WWC2: variants seen among roughly 807,000 people sequenced by gnomAD.
WWC2 encodes the protein WW and C2 domain containing 2.
Under a neutral mutation model 138.5 loss-of-function variants are expected in WWC2, and 101 were observed. The ratio of observed to expected loss-of-function variants is 0.73; its 90% CI spans 0.62 to 0.86. WWC2 has a LOEUF of 0.86. Among genes scored for constraint, WWC2 ranks in the 40% least tolerant of loss-of-function variants. The probability of loss-of-function intolerance (pLI) is 0.00; values close to 1 mark genes in which losing one functional copy is unlikely to be tolerated. For missense variants in WWC2, 1,420 were observed against 1,419.4 expected (o/e 1.00, Z -0.01); for synonymous variants, 558 against 538.4 (o/e 1.04, Z -0.50).
chr4:183,213,715 G>A (rs1249150747), intron 4 of WWC2, among the ~76,000 whole-genome samples: 6 of 152,138 alleles, frequency 3.9e-5, no homozygotes, highest in Non-Finnish European at 7.4e-5. Flanking sequence ...TAAAATGAAT[G>A]CATTAGTGCT....
intron 1 of WWC2, among the ~76,000 whole-genome samples, chr4:183,162,236 A>G (rs1284986169): frequency 6.6e-6 from 1 of 152,190 alleles, no homozygotes; most frequent in Non-Finnish European, 1.5e-5. Flanking sequence ...AGTGTTTCTA[A>G]TGTTTCAAAT....
intron 1 of WWC2, among the ~76,000 whole-genome samples, chr4:183,160,746 C>T (rs1483077699): frequency 1.3e-5 from 2 of 152,050 alleles, no homozygotes; most frequent in East Asian, 1.9e-4. Context: ...CAGAAGTTGG[C>T]GTGAGTTGAT....
intron 2 of WWC2, among the ~76,000 whole-genome samples, chr4:183,207,453 C>T (rs1350198891): frequency 2.0e-5 from 3 of 152,104 alleles, no homozygotes; most frequent in Non-Finnish European, 2.9e-5. Context: ...TGACTAAAAT[C>T]GCTATAATGA....
At chr4:183,280,254 T>TTG (rs1738024716) in intron 16 of WWC2, among the ~76,000 whole-genome samples, 1 of 138,828 alleles carries the variant, frequency 7.2e-6, no homozygotes, top group South Asian at 2.3e-4. Context: ...TTTTTTTTTT[T>TTG]GCTTTGTTTC....
intron 1 of WWC2, among the ~76,000 whole-genome samples, chr4:183,184,181 T>C (rs1734727546): frequency 6.6e-6 from 1 of 152,208 alleles, no homozygotes; most frequent in Admixed American, 6.5e-5. Context: ...CTACTTTCCT[T>C]TTTTATGCGT....
chr4:183,211,018 C>T (rs1560845127), intron 4 of WWC2, among the ~76,000 whole-genome samples: 1 of 152,226 alleles, frequency 6.6e-6, no homozygotes, highest in Admixed American at 6.5e-5. Context: ...CTTTTGCCTA[C>T]ATCTCACAAG....
intron 1 of WWC2, among the ~76,000 whole-genome samples, chr4:183,145,070 G>A (rs1036651541): frequency 2.6e-5 from 4 of 152,168 alleles, no homozygotes; most frequent in Admixed American, 6.5e-5. Flanking sequence ...GAGAGAAGGC[G>A]TTATCAATTT....
At chr4:183,229,166 C>T (rs73870378) in intron 4 of WWC2, among the ~76,000 whole-genome samples, 4,637 of 152,116 alleles carry the variant, frequency 0.03, 301 homozygotes, top group African/African-American at 0.11. Context: ...CGAGGACACT[C>T]GCTGAGTTGC....
intron 1 of WWC2, among the ~76,000 whole-genome samples, chr4:183,100,116 G>T (rs999931776): frequency 6.6e-6 from 1 of 152,186 alleles, no homozygotes; most frequent in Non-Finnish European, 1.5e-5. Flanking sequence ...CTGGCCGGAG[G>T]TCCCGAGCTG....
chr4:183,268,042 C>T (rs1055048358), intron 14 of WWC2, among the ~76,000 whole-genome samples: 3 of 152,194 alleles, frequency 2.0e-5, no homozygotes, highest in East Asian at 1.9e-4. Context: ...CAGCAGTGGG[C>T]TTCAGGCCCA....
chr4:183,261,282 C>T lies in WWC2; in HGVS notation c.1659C>T (p.Ser553=), dbSNP rs1737321077. Residue 553 remains serine, a synonymous_variant, in exon 11 of 23, where the codon TCC becomes TCT. Coordinates refer to ENST00000403733, the MANE Select transcript of WWC2 (RefSeq NM_024949.6). Reference sequence around the variant, plus strand: ...CCCTGTCCTCGAGGTCCTCCCTTTCCTCCTTGTCTCCTCCAGGCTCTCCCT... The same window carrying T: ...CCCTGTCCTCGAGGTCCTCCCTTTCTTCCTTGTCTCCTCCAGGCTCTCCCT... ...VASLSSRSSL[S]SLSPPGSPLV... 1.2e-6 allele frequency: 2 copies of T among 1,613,608 alleles called. No homozygotes were observed. The highest frequency in any genetic ancestry group is 1.7e-6 in the Non-Finnish European group (2 of 1,179,770).
intron 1 of WWC2, among the ~76,000 whole-genome samples, chr4:183,108,511 A>G (rs183897897): frequency 1.7e-4 from 26 of 152,324 alleles, no homozygotes; most frequent in African/African-American, 6.3e-4. Context: ...GGAGACACCA[A>G]GACTAAATGT....
intron 1 of WWC2, among the ~76,000 whole-genome samples, chr4:183,136,216 CT>C (rs972632020): frequency 5.9e-5 from 9 of 152,006 alleles, no homozygotes; most frequent in African/African-American, 2.2e-4. Context: ...CCCATTCTCT[CT>C]TTCTTCTTTA....
At chr4:183,247,530 AC>A (rs1259196684) in intron 6 of WWC2, among the ~76,000 whole-genome samples, 59 of 142,154 alleles carry the variant, frequency 4.2e-4, no homozygotes, top group African/African-American at 1.4e-3. Flanking sequence ...CTATATATAT[AC>A]TATATATACT....
chr4:183,212,093 T>A (rs988352359), intron 4 of WWC2, among the ~76,000 whole-genome samples: 2 of 152,194 alleles, frequency 1.3e-5, no homozygotes, highest in Non-Finnish European at 2.9e-5. Flanking sequence ...AGTGCTGGGA[T>A]TACAGGTGTA....
chr4:183,289,030 A>C (rs1407817493), intron 20 of WWC2, among the ~76,000 whole-genome samples: 1 of 152,238 alleles, frequency 6.6e-6, no homozygotes. Flanking sequence ...TGTGGTATAA[A>C]ACAATAAAGG....
intron 21 of WWC2, among the ~76,000 whole-genome samples, chr4:183,300,876 A>G (rs969695771): frequency 1.3e-5 from 2 of 152,152 alleles, no homozygotes; most frequent in Non-Finnish European, 2.9e-5. Flanking sequence ...CTTCTCTGCA[A>G]GGGATAGGAT....
intron 4 of WWC2, among the ~76,000 whole-genome samples, chr4:183,210,955 C>T (rs1178710773): frequency 6.6e-6 from 1 of 152,180 alleles, no homozygotes; most frequent in African/African-American, 2.4e-5. Context: ...CAGTTTCAGC[C>T]CTTCTTACTT....
intron 4 of WWC2, among the ~76,000 whole-genome samples, chr4:183,226,655 C>T (rs1173026913): frequency 6.6e-6 from 1 of 151,806 alleles, no homozygotes; most frequent in Non-Finnish European, 1.5e-5. Flanking sequence ...TATTTAAAAG[C>T]TAGAAAACAA....
Sources: allele counts gnomAD v4.1 joint callset (sites outside exome capture counted in the v4.1 genomes callset), GRCh38; gene constraint gnomAD v4.1.1; transcripts MANE v1.5; gene names NCBI Gene and HGNC (gene_info 2026-07-23, HGNC 2026-07-21).